The following ZNF630 variants were observed in gnomAD, a reference collection of about 807,000 sequenced individuals.
ZNF630 encodes the protein zinc finger protein 630.
ZNF630 carries 5 observed loss-of-function variants against 7.2 expected under a neutral mutation model. The ratio of observed to expected loss-of-function variants is 0.70; its 90% confidence interval spans 0.36 to 1.46. The LOEUF (loss-of-function observed/expected upper bound fraction) is 1.46. Ranked by LOEUF, ZNF630 falls within the 40% of genes most tolerant of loss-of-function variation. The probability of loss-of-function intolerance (pLI) is 0.03; values close to 1 mark genes in which losing one functional copy is unlikely to be tolerated. For synonymous variants in ZNF630, 158 were observed against 162.8 expected, an observed-to-expected ratio of 0.97 and a Z score of 0.23; for missense variants, 461 against 477.0, an observed-to-expected ratio of 0.97 and a Z score of 0.31.
intron 1 of ZNF630, among the ~76,000 whole-genome samples, chrX:48,068,183 GAA>G: frequency 1.1e-5 from 1 of 90,088 alleles, no homozygotes; most frequent in South Asian, 5.7e-4. Context: ...AGGAAGGAAG[GAA>G]GGAAGGAAGG....
chrX:48,067,994 G>A (rs899036013), intron 1 of ZNF630, among the ~76,000 whole-genome samples: 14 of 109,391 alleles, frequency 1.3e-4, no homozygotes, highest in Admixed American at 9.9e-4. Flanking sequence ...CCAAGGAGGT[G>A]GCATTTGCAG....
At position 48,060,234 on chromosome X, in the gene ZNF630, TACACACACACACACACACAC is replaced by T. The variant is rs56253151; in HGVS notation, c.239-51_239-32del. ...GGAAGAAGAAAGAGGGAAAATCAAATACACACACACACACACACACACACACACACACACACACACACACA... is the reference window on the plus strand; with the variant it reads ...GGAAGAAGAAAGAGGGAAAATCAAATACACACACACACACACACACACACA... On this transcript the variant is annotated intron_variant, in intron 4 of 4. Coordinates refer to ENST00000276054, the MANE Select transcript of ZNF630 (RefSeq NM_001282201.2). 607 of 567,264 alleles carry T rather than the reference TACACACACACACACACACAC, an allele frequency of 1.1e-3. 3 individuals are homozygous for T. Among genetic ancestry groups the T allele is most frequent in the African/African-American group, 7.6e-3 (279 of 36,620 alleles). 46.7% of individuals were successfully genotyped at this position (567,264 alleles called of 1,213,427 possible).
chrX:48,061,012 A>C (rs782733201), intron 2 of ZNF630, 67 bp from the exon 3 acceptor site: 2 of 1,045,264 alleles, frequency 1.9e-6, no homozygotes, highest in East Asian at 3.1e-5. Flanking sequence ...TACATGTAGG[A>C]TGCCTACTTT....
rs781958728 is a variant in ZNF630, at chrX:48,059,308, A to C, written c.1134T>G (p.Ser378Arg). 1 of 1,208,545 alleles carries C rather than the reference A, an allele frequency of 8.3e-7. No individual in the cohort carries two copies. The highest frequency in any genetic ancestry group is 1.1e-6 in the Non-Finnish European group (1 of 893,240). Residue 378 changes from serine to arginine, a missense_variant, in exon 5 of 5, where the codon AGT (serine) becomes AGG (arginine). Ser to Arg is a moderately radical substitution (Grantham distance 110). Transcript: ENST00000276054. ...VHTREKPFECSECRKAFCEMS... is the reference protein window; with the variant it reads ...VHTREKPFECRECRKAFCEMS... ...TCTCACAGAAGGCTTTCCTGCATTCACTGCATTCAAAGGGCTTCTCTCTGG... is the reference window on the plus strand; with the variant it reads ...TCTCACAGAAGGCTTTCCTGCATTCCCTGCATTCAAAGGGCTTCTCTCTGG...
At chrX:48,069,841 G>GTTTTTTTTTTTT (rs1210374790) in intron 1 of ZNF630, among the ~76,000 whole-genome samples, 11 of 41,104 alleles carry the variant, frequency 2.7e-4, no homozygotes, top group South Asian at 4.0e-3. Context: ...GACATTGTCT[G>GTTTTTTTTTTTT]TTTTTTTTTT....
intron 2 of ZNF630, among the ~76,000 whole-genome samples, chrX:48,064,028 T>C: frequency 9.0e-6 from 1 of 111,599 alleles, no homozygotes; most frequent in South Asian, 3.7e-4. Flanking sequence ...TATATGGTTG[T>C]TTTATTTGTG....
At chrX:48,061,916 C>G in intron 2 of ZNF630, 1 of 167,246 alleles carries the variant, frequency 6.0e-6, no homozygotes, top group South Asian at 9.2e-5. Context: ...GACATGAGAA[C>G]AGACTAATAC....
chrX:48,061,004 C>G (rs1556909117), intron 2 of ZNF630, 59 bp from the exon 3 acceptor site: 3 of 1,070,035 alleles, frequency 2.8e-6, no homozygotes, highest in Non-Finnish European at 3.8e-6. Flanking sequence ...CATAGCAGTA[C>G]ATGTAGGATG....
chrX:48,062,498 C>T (rs782436580), intron 2 of ZNF630, among the ~76,000 whole-genome samples: 2 of 112,573 alleles, frequency 1.8e-5, no homozygotes, highest in African/African-American at 3.2e-5. Context: ...CTTGGGGAGG[C>T]AGGGGCAGGT....
chrX:48,066,776 C>T (rs1265147124), intron 2 of ZNF630, 96 bp downstream of exon 2: 1 of 1,082,072 alleles, frequency 9.2e-7, no homozygotes, highest in Non-Finnish European at 1.3e-6. Flanking sequence ...GCCTGTTGAT[C>T]ATCTATTCTC....
chrX:48,064,727 G>A (rs1556909759), intron 2 of ZNF630, among the ~76,000 whole-genome samples: 1 of 112,056 alleles, frequency 8.9e-6, no homozygotes, highest in African/African-American at 3.3e-5. Context: ...GCCTCCCAAA[G>A]TGCTGGGATT....
Position 48,070,179 on chromosome X carries a change from G to A in ZNF630, c.-176+1088C>T, listed in dbSNP as rs782277372. Among the ~76,000 whole-genome samples the A allele has an allele frequency of 4.6e-5, 5 of 109,498 alleles. No individual in the cohort carries two copies. In the East Asian group the frequency reaches 1.4e-3, roughly 32 times the overall value. ...AGCCGATATTGTCTGCTTTTTAACT[G>A]AAGAATGTGCTTTACAGTTCAAAAT... On this transcript the variant is annotated intron_variant, in intron 1 of 4. Coordinates refer to ENST00000276054, the MANE Select transcript of ZNF630 (RefSeq NM_001282201.2).
At position 48,058,771 on chromosome X, in the gene ZNF630, A is replaced by G. The variant is rs61736415; in HGVS notation, c.1671T>C (p.His557=). 0.02 allele frequency: 24,212 copies of G among 1,203,760 alleles called. 354 individuals are homozygous for G. The highest frequency in any genetic ancestry group is 0.025 in the Non-Finnish European group (22,074 of 891,473). ...ECGRAFSLKS[H]LILHQRGHTG... is the part of the protein sequence containing the mutation. ...TATGACCTCTCTGATGTAGAATGAG[A>G]TGTGACTTCAGGGAAAAGGCCCTCC... The change falls in exon 5 of 5, where the codon CAT becomes CAC. Residue 557 remains histidine (H), a synonymous_variant. Coordinates refer to ENST00000276054, the MANE Select transcript of ZNF630 (RefSeq NM_001282201.2).
intron 1 of ZNF630, among the ~76,000 whole-genome samples, chrX:48,068,261 G>GAGGAAGGAAGGA (rs57262250): frequency 8.0e-4 from 75 of 93,272 alleles, no homozygotes; most frequent in African/African-American, 2.6e-3. Flanking sequence ...GGGAGGGAGA[G>GAGGAAGGAAGGA]AGGAAGGAAG....
intron 2 of ZNF630, among the ~76,000 whole-genome samples, chrX:48,064,464 G>A (rs1432519543): frequency 9.0e-6 from 1 of 111,016 alleles, no homozygotes; most frequent in Non-Finnish European, 1.9e-5. Context: ...AGCTAAACTG[G>A]TTTTACACGT....
intron 1 of ZNF630, among the ~76,000 whole-genome samples, chrX:48,070,608 G>A (rs1471777832): frequency 2.7e-3 from 99 of 36,474 alleles, no homozygotes; most frequent in African/African-American, 6.2e-3. Context: ...GTGAGACTTC[G>A]TCTAAAAAAA....
chrX:48,059,395 A>G lies in ZNF630; in HGVS notation c.1047T>C (p.Cys349=). 1 of 1,207,980 alleles carries G rather than the reference A, an allele frequency of 8.3e-7. No homozygotes were observed. Among genetic ancestry groups the G allele is most frequent in the Non-Finnish European group, 1.1e-6 (1 of 893,224 alleles). ...RVHTGEKPYE[C]FECPKAFSQK... ...GGGAGAAAGCTTTTGGACACTCAAA[A>G]CACTCATAGGGTTTCTCTCCAGTAT... The change falls in exon 5 of 5, where the codon TGT becomes TGC. Residue 349 remains cysteine (C), a synonymous_variant. Coordinates refer to ENST00000276054, the MANE Select transcript of ZNF630 (RefSeq NM_001282201.2).
chrX:48,061,025 AC>A, intron 2 of ZNF630, 80 bp from the exon 3 acceptor site: 1 of 961,496 alleles, frequency 1.0e-6, no homozygotes. Flanking sequence ...CCTACTTTGC[AC>A]TTTGCCCAGC....
chrX:48,070,882 G>A (rs1307692383), intron 1 of ZNF630, among the ~76,000 whole-genome samples: 2 of 108,896 alleles, frequency 1.8e-5, no homozygotes, highest in African/African-American at 6.8e-5. Context: ...CACCCATCAT[G>A]GACCCCACAG....
Sources: gnomAD v4.1 joint callset for allele counts (sites outside exome capture counted in the v4.1 genomes callset) on GRCh38, gnomAD v4.1.1 for gene constraint, MANE v1.5 for transcripts, NCBI Gene and HGNC (gene_info 2026-07-23, HGNC 2026-07-21) for gene names.